CHORDC1: variants seen among roughly 807,000 people sequenced by gnomAD.
CHORDC1 encodes the protein cysteine and histidine rich domain containing 1.
A neutral mutation model predicts 48.3 loss-of-function variants in CHORDC1; 25 were observed. That is an observed-to-expected ratio of 0.52 (90% CI 0.38 to 0.72). The LOEUF (loss-of-function observed/expected upper bound fraction) is 0.72, where lower values mean the gene tolerates loss of function less well. Among genes scored for constraint, CHORDC1 ranks in the 30% least tolerant of loss-of-function variants. The pLI, the probability that CHORDC1 is intolerant of heterozygous loss-of-function variation, is 0.00. For synonymous variants in CHORDC1, 128 were observed against 126.4 expected, an observed-to-expected ratio of 1.01 and a Z score of -0.09; for missense variants, 317 against 388.7, an observed-to-expected ratio of 0.82 and a Z score of 1.55.
At position 90,223,037 on chromosome 11, in the gene CHORDC1, CGGTCTGACGACT is replaced by C; in HGVS notation, c.-95_-84del. The C allele has an allele frequency of 1.6e-6, 2 of 1,239,086 alleles. No homozygotes were observed. The highest frequency in any genetic ancestry group is 2.5e-5 in the South Asian group (2 of 79,240). The allele number at this position is 1,239,086 out of a possible 1,614,324, so 76.8% of individuals were successfully genotyped here. A position where few individuals can be genotyped will look rare whatever the true frequency, so the allele number is the denominator to read the frequency against. ...TTTGCCACTCCCGTGTCGCTAGCAC[CGGTCTGACGACT>C]GAGGCGGCTACCGGCTTCCGGAAAC... is the stretch of plus-strand genomic sequence containing the variant. On this transcript the variant is annotated 5_prime_UTR_variant, in exon 1 of 11. Coordinates refer to ENST00000320585, the MANE Select transcript of CHORDC1 (RefSeq NM_012124.3).
At chr11:90,219,556 C>A (rs1452866700) in intron 1 of CHORDC1, among the ~76,000 whole-genome samples, 1 of 152,188 alleles carries the variant, frequency 6.6e-6, no homozygotes, top group Non-Finnish European at 1.5e-5. Context: ...ACTGTCCCAC[C>A]CAGGGCGGAA....
Position 90,206,358 on chromosome 11 carries a change from G to A in CHORDC1, c.493-86C>T, listed in dbSNP as rs1331091802. The A allele has an allele frequency of 8.0e-6, 6 of 751,364 alleles. No individual in the cohort carries two copies. In the Middle Eastern group the frequency reaches 7.1e-4, roughly 89 times the overall value. The allele number at this position is 751,364 out of a possible 1,614,324, so 46.5% of individuals were successfully genotyped here. A position where few individuals can be genotyped will look rare whatever the true frequency, so the allele number is the denominator to read the frequency against. On this transcript the variant is annotated intron_variant, in intron 6 of 10. Transcript: ENST00000320585. ...TATTTGCAGTATTGGTGACCTCTAC[G>A]AACTTTGCAAAATACTTAAATGACA...
chr11:90,207,688 A>C (rs1306346725), intron 6 of CHORDC1: 1 of 149,534 alleles, frequency 6.7e-6, no homozygotes. Context: ...CATACAAAAA[A>C]GCAGTCATCA....
chr11:90,211,495 C>T (rs974595630), intron 4 of CHORDC1, 177 bp from the exon 5 acceptor site: 6 of 500,170 alleles, frequency 1.2e-5, no homozygotes, highest in Non-Finnish European at 1.8e-5. Flanking sequence ...TACATTCTGT[C>T]TTAACAGAAA....
intron 6 of CHORDC1, chr11:90,206,837 GT>G: frequency 8.5e-7 from 1 of 1,177,596 alleles, no homozygotes; most frequent in Non-Finnish European, 1.1e-6. Flanking sequence ...AAAAAATTAT[GT>G]TAATAAAACA....
intron 3 of CHORDC1, 53 bp downstream of exon 3, chr11:90,215,121 T>C (rs1857974516): frequency 2.8e-6 from 3 of 1,065,748 alleles, no homozygotes; most frequent in Non-Finnish European, 1.3e-6. Context: ...TCTGAAGCTT[T>C]CTATAACATG....
chr11:90,204,887 T>C (rs1237679790), intron 8 of CHORDC1, among the ~76,000 whole-genome samples: 2 of 152,148 alleles, frequency 1.3e-5, no homozygotes, highest in African/African-American at 2.4e-5. Flanking sequence ...GGGAAATTAT[T>C]TGCATAGCCC....
chr11:90,210,621 T>A (rs932303870), intron 5 of CHORDC1, 27 bp from the exon 6 acceptor site: 6 of 1,427,962 alleles, frequency 4.2e-6, no homozygotes, highest in Non-Finnish European at 5.8e-6. Flanking sequence ...AAAATCAAAT[T>A]AAAAAGTTAA....
intron 6 of CHORDC1, 104 bp from the exon 7 acceptor site, chr11:90,206,376 A>G: frequency 1.5e-6 from 1 of 672,760 alleles, no homozygotes; most frequent in South Asian, 1.7e-5. Flanking sequence ...CAAAATACTT[A>G]AATGACAATT....
chr11:90,214,477 A>T (rs998006526), intron 3 of CHORDC1, among the ~76,000 whole-genome samples: 1 of 152,124 alleles, frequency 6.6e-6, no homozygotes, highest in Non-Finnish European at 1.5e-5. Flanking sequence ...AACTGTAAAA[A>T]ATAGTTATAC....
intron 1 of CHORDC1, among the ~76,000 whole-genome samples, chr11:90,221,448 C>T (rs530671534): frequency 1.3e-5 from 2 of 152,324 alleles, no homozygotes; most frequent in Admixed American, 6.5e-5. Context: ...TTCCTGGTCG[C>T]TTTCTGTTTC....
intron 2 of CHORDC1, among the ~76,000 whole-genome samples, chr11:90,216,016 C>T (rs1793690701): frequency 6.6e-6 from 1 of 151,990 alleles, no homozygotes; most frequent in African/African-American, 2.4e-5. Context: ...TTATATGCAC[C>T]TGTAGGTTCT....
chr11:90,215,023 T>C, intron 3 of CHORDC1, 151 bp downstream of exon 3: 1 of 442,098 alleles, frequency 2.3e-6, no homozygotes, highest in East Asian at 3.5e-5. Flanking sequence ...TTACAAGCTG[T>C]GGAAGGGAGA....
At chr11:90,209,733 T>C (rs1298646065) in intron 6 of CHORDC1, among the ~76,000 whole-genome samples, 3 of 152,174 alleles carry the variant, frequency 2.0e-5, no homozygotes, top group Admixed American at 2.0e-4. Flanking sequence ...TAATCACTTC[T>C]CAACAAACTA....
At chr11:90,216,961 A>T (rs1031971076) in intron 2 of CHORDC1, among the ~76,000 whole-genome samples, 6 of 152,236 alleles carry the variant, frequency 3.9e-5, no homozygotes, top group Admixed American at 2.6e-4. Context: ...CAGTAAAACA[A>T]AAATATCAGA....
rs1565167649 is a variant in CHORDC1, at chr11:90,206,234, TAC to T, written c.529_530del (p.Val177IlefsTer10). On this transcript the variant is annotated frameshift_variant, in exon 7 of 11. Transcript: ENST00000320585. LOFTEE classifies it high-confidence loss of function. Reference sequence around the variant, plus strand: ...GGAAAATAGGTACTCCAGAATGATATACACAGACTTCTTCTAGACTCTCTAGA... The same window carrying T: ...GGAAAATAGGTACTCCAGAATGATATACAGACTTCTTCTAGACTCTCTAGA... ...QGLESLEEVC[V>X]YHSGVPIFHE... 1.3e-6 allele frequency: 2 copies of T among 1,575,724 alleles called. No individual in the cohort carries two copies. Among genetic ancestry groups the T allele is most frequent in the African/African-American group, 2.7e-5 (2 of 74,344 alleles).
At position 90,203,350 on chromosome 11, in the gene CHORDC1, GT is replaced by G. The variant is rs1159012809; in HGVS notation, c.746del (p.Asn249ThrfsTer9). 1.2e-6 allele frequency: 2 copies of G among 1,600,494 alleles called. No individual in the cohort carries two copies. The highest frequency in any genetic ancestry group is 3.3e-5 in the Admixed American group (2 of 59,934). On this transcript the variant is annotated frameshift_variant, in exon 9 of 11. Coordinates refer to ENST00000320585, the MANE Select transcript of CHORDC1 (RefSeq NM_012124.3). LOFTEE classifies it high-confidence loss of function. ...CTACTCGGCTAAGTTCTGGAAGTGA[GT>G]TTTTAGCATATACTGAAATGGTAAC... ...GEVTISVYAK[N>X]SLPELSRVEA... is the part of the protein sequence containing the mutation.
rs1203383016 is a variant in CHORDC1 at position 90,200,981 on chromosome 11, T to C, written c.*1424A>G. ...TCCAACTTTTACTGCCCAGAGTTTCTTGTCATGGTAATGTAACATCATGAA... is the reference window on the plus strand; with the variant it reads ...TCCAACTTTTACTGCCCAGAGTTTCCTGTCATGGTAATGTAACATCATGAA... On this transcript the variant is annotated 3_prime_UTR_variant, in exon 11 of 11. Transcript: ENST00000320585. Among the ~76,000 whole-genome samples the C allele has an allele frequency of 1.3e-5, 2 of 152,010 alleles. No homozygotes were observed. The highest frequency in any genetic ancestry group is 6.6e-5 in the Admixed American group (1 of 15,258).
chr11:90,200,507 A>G lies in CHORDC1; in HGVS notation c.*1898T>C, dbSNP rs1003211964. On this transcript the variant is annotated 3_prime_UTR_variant, in exon 11 of 11. Transcript: ENST00000320585. ...ATAGTAAAACATATGCTACCTAACG[A>G]TAACTGTGTCCCTTTATGTATGAGT... Among the ~76,000 whole-genome samples, 2 of 151,958 alleles carry G rather than the reference A, an allele frequency of 1.3e-5. No homozygotes were observed. Among genetic ancestry groups the G allele is most frequent in the Non-Finnish European group, 2.9e-5 (2 of 67,872 alleles).
Sources: gnomAD v4.1 joint callset for allele counts (sites outside exome capture counted in the v4.1 genomes callset) on GRCh38, gnomAD v4.1.1 for gene constraint, MANE v1.5 for transcripts, NCBI Gene and HGNC (gene_info 2026-07-23, HGNC 2026-07-21) for gene names.